MALRD1: variants seen among roughly 807,000 people sequenced by gnomAD.
The protein encoded by MALRD1 is MAM and LDL receptor class A domain containing 1.
In MALRD1, 247 loss-of-function variants were observed where a neutral mutation model predicts 242.1. The ratio of observed to expected loss-of-function variants is 1.02; its 90% CI spans 0.92 to 1.13. The LOEUF is 1.13. Ranked by LOEUF, MALRD1 falls within the 50% of genes most tolerant of loss-of-function variation. MALRD1 has a pLI of 0.00. For synonymous variants in MALRD1, 995 were observed against 866.6 expected (o/e 1.15, Z -2.60); for missense variants, 2,989 against 2,533.1 (o/e 1.18, Z -3.86).
At chr10:19,656,927 T>C (rs1349529829) in intron 36 of MALRD1, among the ~76,000 whole-genome samples, 2 of 152,124 alleles carry the variant, frequency 1.3e-5, no homozygotes, top group Non-Finnish European at 2.9e-5. Flanking sequence ...ATCGATCTGG[T>C]TTGTTTTTAT....
At chr10:19,224,577 C>A (rs778533209) in intron 18 of MALRD1, among the ~76,000 whole-genome samples, 10 of 152,186 alleles carry the variant, frequency 6.6e-5, no homozygotes, top group Non-Finnish European at 1.5e-4. Flanking sequence ...AGGCGTGAGC[C>A]ACCACGCCCA....
chr10:19,467,555 G>T (rs1168933292), intron 29 of MALRD1, among the ~76,000 whole-genome samples: 5 of 151,736 alleles, frequency 3.3e-5, no homozygotes, highest in African/African-American at 1.2e-4. Context: ...GGGGTTGGCT[G>T]GGACTTCAAC....
intron 36 of MALRD1, among the ~76,000 whole-genome samples, chr10:19,625,590 A>T (rs1839617416): frequency 6.6e-6 from 1 of 152,008 alleles, no homozygotes; most frequent in African/African-American, 2.4e-5. Context: ...CTGCTAACTA[A>T]CTCCATGACT....
At chr10:19,214,362 G>T (rs1414371173) in intron 18 of MALRD1, among the ~76,000 whole-genome samples, 1 of 152,124 alleles carries the variant, frequency 6.6e-6, no homozygotes, top group African/African-American at 2.4e-5. Context: ...AAACTTTTGT[G>T]GCATACATTT....
At chr10:19,730,192 C>G (rs1835231703) in intron 38 of MALRD1, among the ~76,000 whole-genome samples, 1 of 152,156 alleles carries the variant, frequency 6.6e-6, no homozygotes, top group Non-Finnish European at 1.5e-5. Flanking sequence ...AAGAACTTTT[C>G]AAAACAGTTG....
At chr10:19,643,029 A>C (rs1840465432) in intron 36 of MALRD1, among the ~76,000 whole-genome samples, 1 of 152,194 alleles carries the variant, frequency 6.6e-6, no homozygotes, top group African/African-American at 2.4e-5. Flanking sequence ...ATCTTATCAC[A>C]TCCTTGTGGC....
At chr10:19,383,495 G>A (rs770081066) in intron 26 of MALRD1, among the ~76,000 whole-genome samples, 8 of 152,126 alleles carry the variant, frequency 5.3e-5, no homozygotes, top group South Asian at 2.1e-4. Context: ...ATTCTGGATA[G>A]TGCTGTGATG....
intron 38 of MALRD1, among the ~76,000 whole-genome samples, chr10:19,699,571 T>C (rs79508763): frequency 0.011 from 1,643 of 152,182 alleles, 25 homozygotes; most frequent in East Asian, 0.045. Context: ...GGGCTATTGT[T>C]GCATTGCTAC....
chr10:19,342,405 A>G (rs150970331), intron 24 of MALRD1, among the ~76,000 whole-genome samples: 96 of 152,288 alleles, frequency 6.3e-4, no homozygotes, highest in African/African-American at 2.2e-3. Flanking sequence ...GGCACCCCCA[A>G]TAGAAGTGGC....
intron 29 of MALRD1, among the ~76,000 whole-genome samples, chr10:19,478,834 A>G (rs998926659): frequency 6.6e-6 from 1 of 152,234 alleles, no homozygotes; most frequent in Non-Finnish European, 1.5e-5. Flanking sequence ...TTGGGCAATG[A>G]CAATAATTAT....
At chr10:19,066,641 T>A in intron 1 of MALRD1, 78 bp from the exon 2 acceptor site, 2 of 1,090,302 alleles carry the variant, frequency 1.8e-6, no homozygotes, top group Non-Finnish European at 1.2e-6. Context: ...GTTGCTAAAC[T>A]TTATTTTTCT....
chr10:19,288,250 C>G (rs531380769), intron 21 of MALRD1, among the ~76,000 whole-genome samples: 1 of 152,130 alleles, frequency 6.6e-6, no homozygotes, highest in South Asian at 2.1e-4. Context: ...GTATAATAAT[C>G]ACATCATGGA....
At chr10:19,151,624 T>G (rs1276626190) in intron 11 of MALRD1, among the ~76,000 whole-genome samples, 1 of 152,158 alleles carries the variant, frequency 6.6e-6, no homozygotes. Flanking sequence ...GGAAAAGCTG[T>G]CAATAGTTGA....
chr10:19,465,967 C>T (rs1564366116), intron 29 of MALRD1, among the ~76,000 whole-genome samples: 1 of 152,044 alleles, frequency 6.6e-6, no homozygotes, highest in Non-Finnish European at 1.5e-5. Context: ...TAAATTCTCA[C>T]CAAACTTTTT....
chr10:19,544,612 G>A (rs1298664986), intron 32 of MALRD1, among the ~76,000 whole-genome samples: 10 of 151,100 alleles, frequency 6.6e-5, no homozygotes, highest in Admixed American at 6.6e-4. Context: ...GTCTATTAAA[G>A]TATTTATTAT....
chr10:19,365,080 T>C (rs1845050643), intron 26 of MALRD1, among the ~76,000 whole-genome samples: 2 of 152,290 alleles, frequency 1.3e-5, no homozygotes, highest in Admixed American at 6.5e-5. Context: ...ATTGTTTATA[T>C]AAAATTTTGT....
intron 31 of MALRD1, among the ~76,000 whole-genome samples, chr10:19,509,265 C>T (rs903321470): frequency 1.3e-5 from 2 of 152,202 alleles, no homozygotes; most frequent in South Asian, 2.1e-4. Context: ...GAGCAACAAG[C>T]GTTTATGAGC....
chr10:19,111,817 TA>T (rs918634953), intron 5 of MALRD1, among the ~76,000 whole-genome samples: 2 of 152,172 alleles, frequency 1.3e-5, no homozygotes, highest in African/African-American at 2.4e-5. Flanking sequence ...GTTTTTCAAG[TA>T]AAATAAGGAT....
At chr10:19,061,539 C>G (rs1834822577) in intron 1 of MALRD1, among the ~76,000 whole-genome samples, 2 of 152,024 alleles carry the variant, frequency 1.3e-5, no homozygotes, top group South Asian at 4.1e-4. Flanking sequence ...TTCCTGATTT[C>G]AAAACTTATT....
Sources: allele counts gnomAD v4.1 joint callset (sites outside exome capture counted in the v4.1 genomes callset), GRCh38; gene constraint gnomAD v4.1.1; transcripts MANE v1.5; gene names NCBI Gene and HGNC (gene_info 2026-07-23, HGNC 2026-07-21).